Variants in NCKAP5 observed in about 807,000 individuals in gnomAD.
NCKAP5 encodes the protein NCK associated protein 5.
Under a neutral mutation model 167.0 loss-of-function variants are expected in NCKAP5, and 92 were observed. The observed-to-expected ratio is 0.55, with a 90% CI of 0.47 to 0.66. The LOEUF (loss-of-function observed/expected upper bound fraction) is 0.66. NCKAP5 is among the 30% of genes least tolerant of loss of function. The probability of loss-of-function intolerance (pLI) is 0.00; values close to 1 mark genes in which losing one functional copy is unlikely to be tolerated. For synonymous variants in NCKAP5, 891 were observed against 877.4 expected (o/e 1.02, Z -0.27); for missense variants, 2,378 against 2,315.0 (o/e 1.03, Z -0.56).
At chr2:132,752,120 C>T (rs1399804852) in intron 16 of NCKAP5, among the ~76,000 whole-genome samples, 1 of 152,138 alleles carries the variant, frequency 6.6e-6, no homozygotes, top group African/African-American at 2.4e-5. Context: ...CATTTTTTGC[C>T]CATAGAGAAA....
chr2:133,170,763 A>G (rs1352986771), intron 5 of NCKAP5, among the ~76,000 whole-genome samples: 1 of 152,146 alleles, frequency 6.6e-6, no homozygotes, highest in Non-Finnish European at 1.5e-5. Context: ...CTTCTTTTCT[A>G]CATTTCATTC....
intron 6 of NCKAP5, among the ~76,000 whole-genome samples, chr2:133,076,494 A>T (rs1292930409): frequency 6.6e-6 from 1 of 152,252 alleles, no homozygotes; most frequent in East Asian, 1.9e-4. Flanking sequence ...GTTGATTTTA[A>T]ATTCAAAGTT....
intron 3 of NCKAP5, among the ~76,000 whole-genome samples, chr2:133,369,595 G>T (rs1685670154): frequency 6.6e-6 from 1 of 152,172 alleles, no homozygotes; most frequent in Non-Finnish European, 1.5e-5. Flanking sequence ...CATCAGCCAT[G>T]CTCCTCTTAT....
rs772194495 is a variant in NCKAP5, at chr2:132,728,843, C to T, written c.5553G>A (p.Gly1851=). ...PMASQPLPDW[G]SEVAATGTQD... The stretch of plus-strand genomic sequence containing the variant: ...GGGTCCCGGTGGCAGCAACTTCACT[C>T]CCCCAGTCTGGAAGCGGCTGGCTTG... The change falls in exon 18 of 20, where the codon GGG becomes GGA. Residue 1851 remains glycine, a synonymous_variant. Coordinates refer to ENST00000409261, the MANE Select transcript of NCKAP5 (RefSeq NM_207363.3). 18 of 1,613,790 alleles carry T rather than the reference C, an allele frequency of 1.1e-5. No individual in the cohort carries two copies. Among genetic ancestry groups the T allele is most frequent in the African/African-American group, 4.0e-5 (3 of 74,908 alleles).
At chr2:133,089,630 T>C (rs745314876) in intron 6 of NCKAP5, among the ~76,000 whole-genome samples, 3 of 152,204 alleles carry the variant, frequency 2.0e-5, no homozygotes, top group Admixed American at 6.5e-5. Flanking sequence ...TCAATGTACA[T>C]TGAAACTATG....
At chr2:133,548,763 G>A (rs55701022) in intron 2 of NCKAP5, among the ~76,000 whole-genome samples, 41,416 of 150,018 alleles carry the variant, frequency 0.28, 5,402 homozygotes, top group East Asian at 0.35. Flanking sequence ...GGTACCAGCC[G>A]CTGCAAAATC....
chr2:133,430,614 A>G (rs1029545760), intron 3 of NCKAP5, among the ~76,000 whole-genome samples: 10 of 152,074 alleles, frequency 6.6e-5, no homozygotes, highest in African/African-American at 2.4e-4. Context: ...TTCCAGCACC[A>G]TTTATTGAAT....
At chr2:133,516,336 G>A (rs1207395005) in intron 3 of NCKAP5, among the ~76,000 whole-genome samples, 3 of 152,100 alleles carry the variant, frequency 2.0e-5, no homozygotes, top group Non-Finnish European at 2.9e-5. Flanking sequence ...TTAGCAAGAC[G>A]TAGGAGGTGA....
At chr2:133,416,791 G>A (rs764408776) in intron 3 of NCKAP5, among the ~76,000 whole-genome samples, 1 of 152,184 alleles carries the variant, frequency 6.6e-6, no homozygotes, top group African/African-American at 2.4e-5. Context: ...CTTAGGATGA[G>A]AGGCAGCTCA....
At chr2:133,082,915 C>T (rs529498983) in intron 6 of NCKAP5, among the ~76,000 whole-genome samples, 149 of 152,224 alleles carry the variant, frequency 9.8e-4, no homozygotes, top group African/African-American at 3.5e-3. Flanking sequence ...GACTTGGCTG[C>T]ACTGAGTTAT....
At chr2:133,533,112 G>C (rs1685492745) in intron 2 of NCKAP5, among the ~76,000 whole-genome samples, 1 of 152,194 alleles carries the variant, frequency 6.6e-6, no homozygotes, top group South Asian at 2.1e-4. Flanking sequence ...ATAAAGAGCT[G>C]AGTAATTGGG....
intron 11 of NCKAP5, among the ~76,000 whole-genome samples, chr2:132,826,997 C>T (rs1052475291): frequency 5.9e-5 from 9 of 151,984 alleles, no homozygotes; most frequent in African/African-American, 7.3e-5. Flanking sequence ...CTCTAGGTAT[C>T]GACAGAGGCA....
At chr2:132,817,400 G>A (rs545040607) in intron 11 of NCKAP5, among the ~76,000 whole-genome samples, 10 of 151,936 alleles carry the variant, frequency 6.6e-5, no homozygotes, top group Non-Finnish European at 1.2e-4. Context: ...TTATCACTAC[G>A]TAATGGGACA....
In NCKAP5 at chr2:132,782,241, T is replaced by C; in HGVS notation, c.4570A>G (p.Lys1524Glu). The C allele has an allele frequency of 6.2e-7, 1 of 1,614,038 alleles. No individual in the cohort carries two copies. The highest frequency in any genetic ancestry group is 8.5e-7 in the Non-Finnish European group (1 of 1,179,896). ...ACTTTGGTTTTGGAGATGTCCATTT[T>C]CCTGCTACTCAGAGCTGGAAGTCTA... is the stretch of plus-strand genomic sequence containing the variant. ...KSRLPALSSR[K>E]MDISKTKVEK... The change falls in exon 14 of 20, where the codon AAA becomes GAA. Residue 1524 changes from lysine to glutamate, a missense_variant. By Grantham distance (56) the Lys-to-Glu change is moderately conservative. Transcript: ENST00000409261.
chr2:133,551,032 T>C (rs1210049877), intron 2 of NCKAP5, among the ~76,000 whole-genome samples: 3 of 151,852 alleles, frequency 2.0e-5, no homozygotes, highest in Non-Finnish European at 2.9e-5. Context: ...GAATCCAACT[T>C]ACAAGGGATG....
At chr2:133,396,107 T>C (rs1018978654) in intron 3 of NCKAP5, among the ~76,000 whole-genome samples, 1 of 152,098 alleles carries the variant, frequency 6.6e-6, no homozygotes, top group Non-Finnish European at 1.5e-5. Flanking sequence ...ATAGCAAAGT[T>C]GGCAAGCTGA....
chr2:133,222,164 A>G (rs1214893482), intron 4 of NCKAP5, among the ~76,000 whole-genome samples: 1 of 152,116 alleles, frequency 6.6e-6, no homozygotes, highest in African/African-American at 2.4e-5. Context: ...ACACTCTGCA[A>G]AAAAATTACT....
chr2:133,625,737 G>T, the NCKAP5 span, among the ~76,000 whole-genome samples: 1 of 151,866 alleles, frequency 6.6e-6, no homozygotes, highest in African/African-American at 2.4e-5. Flanking sequence ...CGGGCGTAGT[G>T]GCGGGCACCT....
Position 132,785,537 on chromosome 2 carries a change from C to T in NCKAP5, c.1274G>A (p.Gly425Asp). 1 of 1,607,060 alleles carries T rather than the reference C, an allele frequency of 6.2e-7. No individual in the cohort carries two copies. Among genetic ancestry groups the T allele is most frequent in the Non-Finnish European group, 8.5e-7 (1 of 1,176,488 alleles). The stretch of plus-strand genomic sequence containing the variant: ...ATTCGAGTTCATGCAATCTTTATAA[C>T]CCCATTTGGTTATCACTGATGGGGG... The part of the protein sequence containing the change: ...LEPPSVITKW[G>D]YKDCMNSNEG... Residue 425 changes from glycine to aspartate, a missense_variant, in exon 14 of 20, where the codon GGT becomes GAT. Transcript: ENST00000409261.
Sources: gnomAD v4.1 joint callset for allele counts (sites outside exome capture counted in the v4.1 genomes callset) on GRCh38, gnomAD v4.1.1 for gene constraint, MANE v1.5 for transcripts, NCBI Gene and HGNC (gene_info 2026-07-23, HGNC 2026-07-21) for gene names.